The following RXYLT1 variants were observed in gnomAD, a reference collection of about 807,000 sequenced individuals.
RXYLT1 encodes the protein ribitol xylosyltransferase 1.
A neutral mutation model predicts 43.5 loss-of-function variants in RXYLT1; 41 were observed. The observed-to-expected ratio is 0.94, with a 90% confidence interval of 0.73 to 1.22. RXYLT1 has a LOEUF of 1.22. Ranked by LOEUF, RXYLT1 falls within the 50% of genes most tolerant of loss-of-function variation. RXYLT1 has a pLI of 0.00. For synonymous variants in RXYLT1, 166 were observed against 194.4 expected (o/e 0.85, Z 1.21); for missense variants, 514 against 532.0 (o/e 0.97, Z 0.33).
intron 5 of RXYLT1, 71 bp from the exon 6 acceptor site, chr12:63,808,604 A>AT: frequency 6.7e-7 from 1 of 1,499,692 alleles, no homozygotes; most frequent in Non-Finnish European, 9.0e-7. Context: ...TTATTAAAAG[A>AT]TAAGGTATTT....
chr12:63,803,638 G>C (rs989050726), intron 4 of RXYLT1: 8 of 152,074 alleles, frequency 5.3e-5, no homozygotes, highest in African/African-American at 1.7e-4. Flanking sequence ...AGACAAAAAG[G>C]TTCTTGTTAA....
chr12:63,794,589 G>A (rs1350794122), intron 3 of RXYLT1, among the ~76,000 whole-genome samples: 2 of 152,116 alleles, frequency 1.3e-5, no homozygotes, highest in Non-Finnish European at 2.9e-5. Flanking sequence ...GCTGAAGGGG[G>A]TAGTGGATTT....
intron 4 of RXYLT1, among the ~76,000 whole-genome samples, chr12:63,803,349 TG>T (rs149857908): frequency 0.032 from 4,914 of 152,262 alleles, 110 homozygotes; most frequent in Middle Eastern, 0.061. Context: ...CAGGGATTTT[TG>T]TCTCTTTTGT....
chr12:63,787,199 T>G (rs1338209262), intron 3 of RXYLT1, among the ~76,000 whole-genome samples: 1 of 152,222 alleles, frequency 6.6e-6, no homozygotes, highest in Non-Finnish European at 1.5e-5. Context: ...TATTGTCACT[T>G]CACCAATGTT....
chr12:63,782,754 T>A, intron 2 of RXYLT1: 1 of 357,324 alleles, frequency 2.8e-6, no homozygotes, highest in Admixed American at 3.6e-5. Flanking sequence ...TGAATGAATA[T>A]TCAGATCTTC....
In RXYLT1 at chr12:63,805,323, A is replaced by G; in HGVS notation, c.833A>G (p.Glu278Gly). Reference protein sequence around the residue: ...YLCNFLGTIYENSSRQALMNI... With the variant: ...YLCNFLGTIYGNSSRQALMNI... ...TGTAATTTCTTAGGAACGATTTATG[A>G]AAATTCATCCAGACAGGCACTAATG... The change falls in exon 5 of 6, where the codon GAA (glutamate) becomes GGA (glycine). Residue 278 changes from glutamate to glycine, a missense_variant. Coordinates refer to ENST00000261234, the MANE Select transcript of RXYLT1 (RefSeq NM_014254.3). The G allele has an allele frequency of 6.2e-7, 1 of 1,613,570 alleles. No individual in the cohort carries two copies.
In RXYLT1 at chr12:63,809,392, T is replaced by C. The variant is rs189744765; in HGVS notation, c.*300T>C. ...GTGATACTGGTGTAAACAAATCTAT[T>C]GCACTGCCAGTCAAGTAAAAGTACA... On this transcript the variant is annotated 3_prime_UTR_variant, in exon 6 of 6. Transcript: ENST00000261234. 3.0e-4 allele frequency: 73 copies of C among 245,610 alleles called. 1 individual carries two copies. Among genetic ancestry groups the C allele is most frequent in the Non-Finnish European group, 4.7e-4 (60 of 128,886 alleles). 15.2% of individuals were successfully genotyped at this position (245,610 alleles called of 1,614,324 possible). A position where few individuals can be genotyped will look rare whatever the true frequency, so the allele number is the denominator to read the frequency against.
At chr12:63,799,615 G>A (rs959502401) in intron 3 of RXYLT1, among the ~76,000 whole-genome samples, 27 of 151,782 alleles carry the variant, frequency 1.8e-4, no homozygotes, top group African/African-American at 6.5e-4. Flanking sequence ...AATTGTTTGG[G>A]CACATGATAT....
rs890939028 is a variant in RXYLT1, at chr12:63,809,342, G to A, written c.*250G>A. The A allele has an allele frequency of 8.7e-6, 3 of 343,298 alleles. No individual in the cohort carries two copies. The highest frequency in any genetic ancestry group is 2.2e-5 in the African/African-American group (1 of 46,460). The allele number at this position is 343,298 out of a possible 1,614,324, so 21.3% of individuals were successfully genotyped here. A position where few individuals can be genotyped will look rare whatever the true frequency, so the allele number is the denominator to read the frequency against. On this transcript the variant is annotated 3_prime_UTR_variant, in exon 6 of 6. Transcript: ENST00000261234. Reference sequence around the variant, plus strand: ...ATAGCCTAGTGATGACATATGTATTGCAATACATCACTCACGTGTTTGTGG... The same window carrying A: ...ATAGCCTAGTGATGACATATGTATTACAATACATCACTCACGTGTTTGTGG...
At chr12:63,785,329 A>T (rs761973259) in intron 3 of RXYLT1, 37 of 190,782 alleles carry the variant, frequency 1.9e-4, no homozygotes, top group Non-Finnish European at 2.9e-4. Flanking sequence ...TATATAGAAA[A>T]GTTCATACTC....
At position 63,808,778 on chromosome 12, in the gene RXYLT1, C is replaced by T. The variant is rs397514695; in HGVS notation, c.1018C>T (p.Arg340Ter). The T allele has an allele frequency of 1.9e-5, 31 of 1,613,132 alleles. No individual in the cohort carries two copies. The highest frequency in any genetic ancestry group is 2.1e-5 in the Non-Finnish European group (25 of 1,179,898). ...GGTCGGAGTAAACACAGAATGCTAT[C>T]GAATCTATGAGGCTTGCTCCTATGG... is the stretch of plus-strand genomic sequence containing the variant. ...CPVGVNTECY[R>*]IYEACSYGSI... The change falls in exon 6 of 6, where the codon CGA becomes TGA. Residue 340 changes from arginine to a stop codon, truncating the protein, a stop_gained. Coordinates refer to ENST00000261234, the MANE Select transcript of RXYLT1 (RefSeq NM_014254.3). LOFTEE classifies it high-confidence loss of function.
In RXYLT1 at chr12:63,784,979, T is replaced by C. The variant is rs1347305897; in HGVS notation, c.335T>C (p.Leu112Pro). The change falls in exon 3 of 6, where the codon CTC (leucine) becomes CCC (proline). Residue 112 changes from leucine (L) to proline (P), a missense_variant. Transcript: ENST00000261234. ...TGTTGTTAATTACCAGGCTTGTATC[T>C]CTGGGAGCATATTTTTGAAGGCTTA... ...IWGKAAIGLY[L>P]WEHIFEGLLD... 1 of 1,613,526 alleles carries C rather than the reference T, an allele frequency of 6.2e-7. No homozygotes were observed. Among genetic ancestry groups the C allele is most frequent in the Non-Finnish European group, 8.5e-7 (1 of 1,179,640 alleles).
chr12:63,808,851 A>C lies in RXYLT1; in HGVS notation c.1091A>C (p.Asn364Thr), dbSNP rs144060489. 38 of 1,614,156 alleles carry C rather than the reference A, an allele frequency of 2.4e-5. No individual in the cohort carries two copies. The African/African-American group carries it at 4.1e-4, about 18-fold the overall frequency. Residue 364 changes from asparagine to threonine, a missense_variant, in exon 6 of 6, where the codon AAT becomes ACT. Asn to Thr is a moderately conservative substitution (Grantham distance 65, BLOSUM62 0). Transcript: ENST00000261234. The part of the protein sequence containing the change: ...EDVMTAGNCG[N>T]TSVHHGAPLQ... ...GTGATGACAGCTGGCAACTGTGGGA[A>C]TACATCTGTGCACCACGGTGCTCCT... is the stretch of plus-strand genomic sequence containing the variant.
At chr12:63,780,236 C>G in intron 1 of RXYLT1, 107 bp downstream of exon 1, 1 of 1,387,266 alleles carries the variant, frequency 7.2e-7, no homozygotes, top group Non-Finnish European at 9.2e-7. Flanking sequence ...GGATTACCCG[C>G]AGGGCCTGAG....
At chr12:63,783,315 G>C (rs777612609) in intron 2 of RXYLT1, among the ~76,000 whole-genome samples, 1 of 152,128 alleles carries the variant, frequency 6.6e-6, no homozygotes, top group African/African-American at 2.4e-5. Flanking sequence ...ACAAAAATTA[G>C]CCAGACATTG....
At chr12:63,806,238 A>C (rs979204841) in intron 5 of RXYLT1, 2 of 152,244 alleles carry the variant, frequency 1.3e-5, no homozygotes, top group Non-Finnish European at 2.9e-5. Flanking sequence ...AGCAGTGAAC[A>C]AAACAAAGTC....
At chr12:63,786,658 A>G (rs1897809175) in intron 3 of RXYLT1, among the ~76,000 whole-genome samples, 1 of 152,218 alleles carries the variant, frequency 6.6e-6, no homozygotes, top group African/African-American at 2.4e-5. Context: ...ATGACTAATC[A>G]GGGTGGTGGT....
At position 63,805,266 on chromosome 12, in the gene RXYLT1, G is replaced by T; in HGVS notation, c.776G>T (p.Trp259Leu). ...YRNFPVVEAS[W>L]SMLHDERPYL... ...AATTTTCCTGTGGTGGAGGCAAGTT[G>T]GTCAATGCTGCATGATGAGAGGCCA... Residue 259 changes from tryptophan (W) to leucine (L), a missense_variant, in exon 5 of 6, where the codon TGG (tryptophan) becomes TTG (leucine). By Grantham distance (61) the Trp-to-Leu change is moderately conservative. Coordinates refer to ENST00000261234, the MANE Select transcript of RXYLT1 (RefSeq NM_014254.3). 1 of 1,607,456 alleles carries T rather than the reference G, an allele frequency of 6.2e-7. No individual in the cohort carries two copies. The highest frequency in any genetic ancestry group is 1.3e-5 in the African/African-American group (1 of 74,612).
chr12:63,808,809 T>C lies in RXYLT1; in HGVS notation c.1049T>C (p.Ile350Thr), dbSNP rs1898375753. 1.9e-6 allele frequency: 3 copies of C among 1,614,008 alleles called. No individual in the cohort carries two copies. Among genetic ancestry groups the C allele is most frequent in the African/African-American group, 1.3e-5 (1 of 74,918 alleles). ...TATGAGGCTTGCTCCTATGGCTCCA[T>C]TCCTGTGGTGGAAGACGTGATGACA... ...RIYEACSYGS[I>T]PVVEDVMTAG... Residue 350 changes from isoleucine (I) to threonine (T), a missense_variant, in exon 6 of 6, where the codon ATT becomes ACT. Physicochemically the swap from Ile to Thr is moderately conservative, Grantham distance 89. Coordinates refer to ENST00000261234, the MANE Select transcript of RXYLT1 (RefSeq NM_014254.3).
Sources: gnomAD v4.1 joint callset for allele counts (sites outside exome capture counted in the v4.1 genomes callset) on GRCh38, gnomAD v4.1.1 for gene constraint, MANE v1.5 for transcripts, NCBI Gene and HGNC (gene_info 2026-07-23, HGNC 2026-07-21) for gene names.